SDK1: variants seen among roughly 807,000 people sequenced by gnomAD.
SDK1 encodes protein sidekick-1.
Under a neutral mutation model 245.5 loss-of-function variants are expected in SDK1, and 157 were observed. The observed-to-expected ratio is 0.64, with a 90% confidence interval of 0.56 to 0.73. The LOEUF (loss-of-function observed/expected upper bound fraction) is 0.73, where lower values mean the gene tolerates loss of function less well. SDK1 is among the 30% of genes least tolerant of loss of function. The probability of loss-of-function intolerance (pLI) is 0.00; values close to 1 mark genes in which losing one functional copy is unlikely to be tolerated. For synonymous variants in SDK1, 1,647 were observed against 1,278.5 expected (o/e 1.29, Z -6.15); for missense variants, 3,583 against 3,002.3 (o/e 1.19, Z -4.52).
chr7:3,396,281 A>T (rs564986313), intron 1 of SDK1, among the ~76,000 whole-genome samples: 4 of 151,900 alleles, frequency 2.6e-5, no homozygotes, highest in Admixed American at 2.6e-4. Context: ...TAATCCTTTT[A>T]AATCTGCTAA....
chr7:3,965,249 C>T lies in SDK1; in HGVS notation c.1430-2069C>T, dbSNP rs1470609791. Among the ~76,000 whole-genome samples, 9 of 152,070 alleles carry T rather than the reference C, an allele frequency of 5.9e-5. No individual in the cohort carries two copies. The East Asian group carries it at 1.5e-3, about 26-fold the overall frequency. ...GGTTGTAGTTTGCCAATCTCCATTC[C>T]AGTGAGAGACTTAGGAATGAGAATA... On this transcript the variant is annotated intron_variant, in intron 9 of 44. Coordinates refer to ENST00000404826, the MANE Select transcript of SDK1 (RefSeq NM_152744.4).
intron 1 of SDK1, among the ~76,000 whole-genome samples, chr7:3,563,468 TGAA>T (rs765382960): frequency 1.6e-4 from 24 of 152,188 alleles, no homozygotes; most frequent in Non-Finnish European, 3.1e-4. Context: ...TTATTAAAGA[TGAA>T]GAGGAATGCT....
At chr7:4,069,855 G>A (rs942849341) in intron 20 of SDK1, among the ~76,000 whole-genome samples, 1 of 152,190 alleles carries the variant, frequency 6.6e-6, no homozygotes, top group African/African-American at 2.4e-5. Context: ...GAGGCCTGGC[G>A]ATGACAAGGC....
At chr7:3,550,050 A>C (rs904421493) in intron 1 of SDK1, among the ~76,000 whole-genome samples, 3 of 152,188 alleles carry the variant, frequency 2.0e-5, no homozygotes, top group African/African-American at 7.2e-5. Flanking sequence ...GATATTTGTA[A>C]AATCAATGTG....
chr7:3,788,557 C>T (rs950437318), intron 4 of SDK1, among the ~76,000 whole-genome samples: 1 of 152,150 alleles, frequency 6.6e-6, no homozygotes, highest in Non-Finnish European at 1.5e-5. Context: ...GATTCCTATA[C>T]CTTTTGGTCA....
At chr7:4,114,323 G>A (rs76744157) in intron 25 of SDK1, 49 bp downstream of exon 25, 31,556 of 1,427,704 alleles carry the variant, frequency 0.022, 452 homozygotes, top group Non-Finnish European at 0.026. Context: ...TAGAGATGGG[G>A]CTGAGTGCCC....
At chr7:3,393,554 T>C (rs1258790586) in intron 1 of SDK1, among the ~76,000 whole-genome samples, 1 of 152,064 alleles carries the variant, frequency 6.6e-6, no homozygotes, top group East Asian at 1.9e-4. Flanking sequence ...CGGGAAAGAG[T>C]AGATAAAACT....
intron 1 of SDK1, among the ~76,000 whole-genome samples, chr7:3,535,265 C>CA (rs1192777512): frequency 6.6e-6 from 1 of 151,422 alleles, no homozygotes; most frequent in East Asian, 1.9e-4. Context: ...ACTTTGTCTC[C>CA]AAAAAAATAA....
At chr7:3,867,837 A>T (rs1260924645) in intron 5 of SDK1, among the ~76,000 whole-genome samples, 1 of 152,088 alleles carries the variant, frequency 6.6e-6, no homozygotes. Context: ...ACTATGTTTT[A>T]TTTCTTCGCT....
At chr7:3,729,311 A>G (rs933530829) in intron 4 of SDK1, among the ~76,000 whole-genome samples, 4 of 152,200 alleles carry the variant, frequency 2.6e-5, no homozygotes, top group Non-Finnish European at 5.9e-5. Flanking sequence ...ATAATTCCTT[A>G]ACTTAATGGT....
At chr7:3,416,367 T>G (rs1583825244) in intron 1 of SDK1, among the ~76,000 whole-genome samples, 1 of 152,088 alleles carries the variant, frequency 6.6e-6, no homozygotes, top group African/African-American at 2.4e-5. Context: ...TTCTCTTTAT[T>G]AACTTCTCCC....
intron 4 of SDK1, among the ~76,000 whole-genome samples, chr7:3,684,995 G>T (rs1331724448): frequency 6.6e-6 from 1 of 152,056 alleles, no homozygotes; most frequent in Admixed American, 6.6e-5. Context: ...GGGACCTGTG[G>T]GACAAGACTG....
At chr7:4,232,402 C>CTTTTTT (rs1234788967) in intron 40 of SDK1, among the ~76,000 whole-genome samples, 41 of 65,020 alleles carry the variant, frequency 6.3e-4, no homozygotes, top group Non-Finnish European at 9.0e-4. Context: ...CTTTTCTTTT[C>CTTTTTT]TTTTCTTTCT....
At chr7:3,988,091 T>C (rs956087124) in intron 14 of SDK1, among the ~76,000 whole-genome samples, 2 of 151,106 alleles carry the variant, frequency 1.3e-5, no homozygotes, top group Non-Finnish European at 2.9e-5. Flanking sequence ...TCTCACGGCC[T>C]CTCCAGCTTA....
chr7:4,113,906 C>T, intron 24 of SDK1, 131 bp from the exon 25 acceptor site: 2 of 669,228 alleles, frequency 3.0e-6, no homozygotes, highest in Non-Finnish European at 5.2e-6. Context: ...AAAGTAGATC[C>T]TTCTAAGACT....
At chr7:3,479,910 T>G (rs1452306744) in intron 1 of SDK1, among the ~76,000 whole-genome samples, 4 of 152,102 alleles carry the variant, frequency 2.6e-5, no homozygotes, top group African/African-American at 9.7e-5. Context: ...ACCTCTAATT[T>G]TCTCCTAGTT....
intron 1 of SDK1, among the ~76,000 whole-genome samples, chr7:3,333,859 A>C (rs1238835381): frequency 1.3e-5 from 2 of 152,312 alleles, no homozygotes; most frequent in African/African-American, 4.8e-5. Flanking sequence ...GCTAGAGTAT[A>C]ATTCCCAAGG....
In SDK1 at chr7:3,621,792, G is replaced by T. The variant is rs189651355; in HGVS notation, c.458+2553G>T. Among the ~76,000 whole-genome samples, 18 of 152,314 alleles carry T rather than the reference G, an allele frequency of 1.2e-4. No homozygotes were observed. The East Asian group carries it at 2.9e-3, about 24-fold the overall frequency. Reference sequence around the variant, plus strand: ...TAATATCAAAGTTCCCACTATTAAAGAATTCTTTTGATTTTTAAATGGATA... The same window carrying T: ...TAATATCAAAGTTCCCACTATTAAATAATTCTTTTGATTTTTAAATGGATA... On this transcript the variant is annotated intron_variant, in intron 2 of 44. Coordinates refer to ENST00000404826, the MANE Select transcript of SDK1 (RefSeq NM_152744.4).
In SDK1 at chr7:4,213,302, A is replaced by G. The variant is rs534177875; in HGVS notation, c.5539+3140A>G. On this transcript the variant is annotated intron_variant, in intron 38 of 44. Transcript: ENST00000404826. ...GTGGCACGCACCTGTAATCCCAGCT[A>G]CTCCAGAGGCTGAGGCAGAAAATTG... Among the ~76,000 whole-genome samples the G allele has an allele frequency of 4.0e-5, 6 of 151,740 alleles. No homozygotes were observed. The South Asian group carries it at 1.2e-3, about 31-fold the overall frequency.
Sources: allele counts gnomAD v4.1 joint callset (sites outside exome capture counted in the v4.1 genomes callset), GRCh38; gene constraint gnomAD v4.1.1; transcripts MANE v1.5; gene names NCBI Gene and HGNC (gene_info 2026-07-23, HGNC 2026-07-21).